Variants in CCSER1 observed in about 807,000 individuals in gnomAD.
CCSER1 encodes the protein coiled-coil serine rich protein 1.
Under a neutral mutation model 82.0 loss-of-function variants are expected in CCSER1, and 41 were observed. The ratio of observed to expected loss-of-function variants is 0.50; its 90% CI spans 0.39 to 0.65. The LOEUF is 0.65. Ranked by LOEUF, CCSER1 falls within the 30% of genes least tolerant of loss-of-function variation. CCSER1 has a pLI of 0.00. For missense variants in CCSER1, 1,119 were observed against 1,064.2 expected (o/e 1.05, Z -0.72); for synonymous variants, 414 against 383.9 (o/e 1.08, Z -0.92).
In CCSER1 at chr4:91,218,714, C is replaced by T. The variant is rs370482003; in HGVS notation, c.2217+132720C>T. Among the ~76,000 whole-genome samples, 4 of 152,286 alleles carry T rather than the reference C, an allele frequency of 2.6e-5. No homozygotes were observed. The East Asian group carries it at 5.8e-4, about 22-fold the overall frequency. ...ACAGAGCCCTTCTCTTGCTTTAGGA[C>T]ACTATACTTTGCATCGATCCTTCAC... On this transcript the variant is annotated intron_variant, in intron 10 of 10. Transcript: ENST00000509176.
intron 5 of CCSER1, among the ~76,000 whole-genome samples, chr4:90,606,107 T>G (rs1784670611): frequency 6.6e-6 from 1 of 152,154 alleles, no homozygotes; most frequent in African/African-American, 2.4e-5. Context: ...AGAATGTATT[T>G]AAAAATTTTA....
chr4:90,155,056 C>G (rs951399012), intron 1 of CCSER1, among the ~76,000 whole-genome samples: 1 of 152,152 alleles, frequency 6.6e-6, no homozygotes, highest in Non-Finnish European at 1.5e-5. Context: ...TACATCCCAT[C>G]AATACCTAAT....
chr4:91,393,616 A>G (rs1414112676), intron 10 of CCSER1, among the ~76,000 whole-genome samples: 1 of 152,108 alleles, frequency 6.6e-6, no homozygotes, highest in Non-Finnish European at 1.5e-5. Context: ...TAAAATTTTG[A>G]GTGAGTGTGC....
chr4:90,529,160 A>T (rs901204330), intron 5 of CCSER1, among the ~76,000 whole-genome samples: 1 of 152,132 alleles, frequency 6.6e-6, no homozygotes, highest in Non-Finnish European at 1.5e-5. Context: ...GTACATGTAT[A>T]TACACGTTGT....
At chr4:90,572,787 A>C (rs1278104828) in intron 5 of CCSER1, among the ~76,000 whole-genome samples, 3 of 152,098 alleles carry the variant, frequency 2.0e-5, no homozygotes, top group Non-Finnish European at 4.4e-5. Flanking sequence ...GCTTTCTTAA[A>C]ACAGTTTGAA....
At chr4:90,251,421 T>A (rs569630882) in intron 1 of CCSER1, among the ~76,000 whole-genome samples, 1 of 151,904 alleles carries the variant, frequency 6.6e-6, no homozygotes, top group East Asian at 1.9e-4. Flanking sequence ...TTGCTGAGAG[T>A]TTTTATCATG....
At chr4:91,385,164 G>T (rs1419075912) in intron 10 of CCSER1, among the ~76,000 whole-genome samples, 1 of 151,806 alleles carries the variant, frequency 6.6e-6, no homozygotes, top group Admixed American at 6.6e-5. Context: ...GTAAAATATT[G>T]GAAATTATGA....
intron 10 of CCSER1, among the ~76,000 whole-genome samples, chr4:91,515,438 T>C (rs1760053829): frequency 6.6e-6 from 1 of 152,162 alleles, no homozygotes; most frequent in African/African-American, 2.4e-5. Context: ...AGCTCCCACT[T>C]ATAAGGACAA....
intron 7 of CCSER1, among the ~76,000 whole-genome samples, chr4:90,776,383 A>G (rs990315718): frequency 7.9e-5 from 12 of 152,180 alleles, no homozygotes; most frequent in Admixed American, 4.6e-4. Flanking sequence ...AGTTATCTCA[A>G]AGATAATAGA....
intron 7 of CCSER1, among the ~76,000 whole-genome samples, chr4:90,810,023 C>G (rs1161281598): frequency 1.3e-5 from 2 of 152,058 alleles, no homozygotes; most frequent in Non-Finnish European, 2.9e-5. Flanking sequence ...TGTTGTTGTT[C>G]CTTGTCAGCT....
At chr4:90,422,265 C>A (rs925725700) in intron 4 of CCSER1, among the ~76,000 whole-genome samples, 5 of 152,128 alleles carry the variant, frequency 3.3e-5, no homozygotes, top group African/African-American at 1.2e-4. Flanking sequence ...TGGCCAGTGG[C>A]CAAGAGTGCT....
At chr4:91,380,615 C>A (rs1351662443) in intron 10 of CCSER1, among the ~76,000 whole-genome samples, 4 of 152,164 alleles carry the variant, frequency 2.6e-5, no homozygotes, top group Non-Finnish European at 5.9e-5. Flanking sequence ...CTTCCTCCTT[C>A]CCTTTATTTT....
At chr4:90,323,021 C>T (rs1737452612) in intron 3 of CCSER1, among the ~76,000 whole-genome samples, 1 of 152,218 alleles carries the variant, frequency 6.6e-6, no homozygotes, top group South Asian at 2.1e-4. Flanking sequence ...CAGCAGGTTC[C>T]CTTCTAGCCC....
At chr4:90,215,622 A>G (rs1186145700) in intron 1 of CCSER1, among the ~76,000 whole-genome samples, 1 of 152,222 alleles carries the variant, frequency 6.6e-6, no homozygotes, top group Non-Finnish European at 1.5e-5. Flanking sequence ...TCTATTTGAC[A>G]GATAAAATAT....
intron 7 of CCSER1, among the ~76,000 whole-genome samples, chr4:90,809,333 C>T (rs1196467333): frequency 2.6e-5 from 4 of 151,936 alleles, no homozygotes; most frequent in African/African-American, 9.7e-5. Flanking sequence ...CACACACACA[C>T]ACACACACGC....
chr4:90,170,404 C>CTT (rs60642438), intron 1 of CCSER1, among the ~76,000 whole-genome samples: 55 of 142,098 alleles, frequency 3.9e-4, no homozygotes, highest in African/African-American at 6.6e-4. Context: ...AACAGCTAAC[C>CTT]TTTTTTTTTT....
At chr4:90,447,600 A>T (rs1359523022) in intron 4 of CCSER1, among the ~76,000 whole-genome samples, 3 of 152,232 alleles carry the variant, frequency 2.0e-5, no homozygotes, top group African/African-American at 7.2e-5. Context: ...GTGACTAGTT[A>T]TATTAGACTA....
chr4:90,422,543 C>T (rs979894815), intron 4 of CCSER1, among the ~76,000 whole-genome samples: 1 of 152,010 alleles, frequency 6.6e-6, no homozygotes, highest in Non-Finnish European at 1.5e-5. Flanking sequence ...TGCTGTGAGT[C>T]ATGATTGCAC....
At chr4:91,172,223 T>C (rs1054866485) in intron 10 of CCSER1, among the ~76,000 whole-genome samples, 1 of 152,210 alleles carries the variant, frequency 6.6e-6, no homozygotes, top group Non-Finnish European at 1.5e-5. Context: ...TTTCATTATG[T>C]AATCTCTTAA....
Sources: gnomAD v4.1 joint callset for allele counts (sites outside exome capture counted in the v4.1 genomes callset) on GRCh38, gnomAD v4.1.1 for gene constraint, MANE v1.5 for transcripts, NCBI Gene and HGNC (gene_info 2026-07-23, HGNC 2026-07-21) for gene names.